Variants in RASSF8 observed in about 807,000 individuals in gnomAD.
The protein encoded by RASSF8 is ras association domain-containing protein 8.
Under a neutral mutation model 48.5 loss-of-function variants are expected in RASSF8, and 22 were observed. The ratio of observed to expected loss-of-function variants is 0.45; its 90% CI spans 0.32 to 0.65. The LOEUF (loss-of-function observed/expected upper bound fraction) is 0.65, where lower values mean the gene tolerates loss of function less well. Ranked by LOEUF, RASSF8 falls within the 30% of genes least tolerant of loss-of-function variation. The pLI is 0.03. For synonymous variants in RASSF8, 127 were observed against 171.5 expected, an observed-to-expected ratio of 0.74 and a Z score of 2.03; for missense variants, 418 against 489.2, an observed-to-expected ratio of 0.85 and a Z score of 1.37.
At chr12:25,970,947 G>A (rs1941471024) in intron 1 of RASSF8, among the ~76,000 whole-genome samples, 1 of 152,158 alleles carries the variant, frequency 6.6e-6, no homozygotes, top group Non-Finnish European at 1.5e-5. Context: ...TCTCTTGAAG[G>A]AGGATCTCAC....
chr12:26,036,205 A>G (rs1288604627), intron 2 of RASSF8, among the ~76,000 whole-genome samples: 1 of 151,928 alleles, frequency 6.6e-6, no homozygotes, highest in Non-Finnish European at 1.5e-5. Flanking sequence ...GGATAAGATC[A>G]GCAATGGCAG....
rs2729650 is a variant in RASSF8, at chr12:26,042,870, T to G, written c.-108-12366T>G. 8.8e-3 allele frequency among the ~76,000 whole-genome samples: 1,339 copies of G among 152,254 alleles called. 17 individuals carry two copies. The highest frequency in any genetic ancestry group is 0.031 in the African/African-American group (1,271 of 41,540). On this transcript the variant is annotated intron_variant, in intron 2 of 5. Transcript: ENST00000689635. ...CAGTAGCATCAATTAGTGGTAAGATTTATTTCAGGAGTTTAAATCAATACT... is the reference window on the plus strand; with the variant it reads ...CAGTAGCATCAATTAGTGGTAAGATGTATTTCAGGAGTTTAAATCAATACT...
chr12:26,014,356 A>G (rs1942597428), intron 2 of RASSF8, among the ~76,000 whole-genome samples: 1 of 152,254 alleles, frequency 6.6e-6, no homozygotes, highest in South Asian at 2.1e-4. Context: ...CTTAGTAGGC[A>G]AGATAAAACG....
chr12:25,968,665 G>A (rs1053964311), intron 1 of RASSF8, among the ~76,000 whole-genome samples: 6 of 152,136 alleles, frequency 3.9e-5, no homozygotes, highest in Non-Finnish European at 8.8e-5. Context: ...CCTTTTAGTT[G>A]TTCATTCAAA....
chr12:26,069,531 A>G lies in RASSF8; in HGVS notation c.*713A>G. The stretch of plus-strand genomic sequence containing the variant: ...TCATAAGCTAAATTGTATGTATAAA[A>G]CATTTGCAGTGTTTCAGACACTGTT... On this transcript the variant is annotated 3_prime_UTR_variant, in exon 6 of 6. Coordinates refer to ENST00000689635, the MANE Select transcript of RASSF8 (RefSeq NM_001394098.1). 2 of 985,466 alleles carry G rather than the reference A, an allele frequency of 2.0e-6. No individual in the cohort carries two copies. The highest frequency in any genetic ancestry group is 2.4e-6 in the Non-Finnish European group (2 of 829,920). 61.0% of individuals were successfully genotyped at this position (985,466 alleles called of 1,614,324 possible).
At chr12:26,028,609 A>G (rs937156224) in intron 2 of RASSF8, among the ~76,000 whole-genome samples, 6 of 152,214 alleles carry the variant, frequency 3.9e-5, no homozygotes, top group Non-Finnish European at 7.3e-5. Context: ...GTAAGTGACA[A>G]TAAATAGAAT....
intron 2 of RASSF8, among the ~76,000 whole-genome samples, chr12:26,015,414 A>G (rs1942624696): frequency 6.6e-6 from 1 of 152,170 alleles, no homozygotes; most frequent in Admixed American, 6.5e-5. Flanking sequence ...GTTTCTAGAA[A>G]ATGCTCTCTT....
At chr12:26,042,673 A>G (rs1943290705) in intron 2 of RASSF8, among the ~76,000 whole-genome samples, 1 of 152,074 alleles carries the variant, frequency 6.6e-6, no homozygotes, top group African/African-American at 2.4e-5. Flanking sequence ...CCTCTTTTAT[A>G]AGTATGATTT....
downstream of RASSF8, among the ~76,000 whole-genome samples, chr12:26,073,182 G>A (rs1944033431): frequency 6.6e-6 from 1 of 152,168 alleles, no homozygotes; most frequent in African/African-American, 2.4e-5. Context: ...CGTGCCAAGT[G>A]CAATATGGGG....
At chr12:25,998,381 C>T (rs77788555) in intron 2 of RASSF8, among the ~76,000 whole-genome samples, 1 of 144,458 alleles carries the variant, frequency 6.9e-6, no homozygotes, top group African/African-American at 2.6e-5. Context: ...TGGAGTTTCA[C>T]TCTTGTTGCC....
chr12:25,998,502 A>C (rs1427403251), intron 2 of RASSF8, among the ~76,000 whole-genome samples: 1 of 152,046 alleles, frequency 6.6e-6, no homozygotes, highest in African/African-American at 2.4e-5. Flanking sequence ...GGCATGCATC[A>C]CCACTCCTGG....
chr12:26,071,075 A>T lies in RASSF8; in HGVS notation c.*2257A>T. The T allele has an allele frequency of 2.0e-6, 2 of 980,362 alleles. No homozygotes were observed. The highest frequency in any genetic ancestry group is 1.2e-6 in the Non-Finnish European group (1 of 825,338). 60.7% of individuals were successfully genotyped at this position (980,362 alleles called of 1,614,324 possible). A position where few individuals can be genotyped will look rare whatever the true frequency, so the allele number is the denominator to read the frequency against. ...CAGATTTAAAAAAATTTCCTAGGCG[A>T]CGAAAGTATAGAAATGTGAATATGT... On this transcript the variant is annotated 3_prime_UTR_variant, in exon 6 of 6. Coordinates refer to ENST00000689635, the MANE Select transcript of RASSF8 (RefSeq NM_001394098.1).
At chr12:26,049,492 C>T (rs1002633551) in intron 2 of RASSF8, among the ~76,000 whole-genome samples, 2 of 152,190 alleles carry the variant, frequency 1.3e-5, no homozygotes, top group Non-Finnish European at 2.9e-5. Flanking sequence ...TAAGTGCCAT[C>T]CTTCAGTTAT....
intron 1 of RASSF8, among the ~76,000 whole-genome samples, chr12:25,986,925 T>TG (rs201708259): frequency 0.44 from 56,591 of 128,672 alleles, 11,496 homozygotes; most frequent in Non-Finnish European, 0.51. Context: ...CCGTTTTTTT[T>TG]TTTTGTTTGT....
intron 2 of RASSF8, among the ~76,000 whole-genome samples, chr12:26,019,950 A>G (rs1003668008): frequency 6.6e-6 from 1 of 152,182 alleles, no homozygotes; most frequent in African/African-American, 2.4e-5. Context: ...TAAAATTTGC[A>G]GCTTTATGGC....
At chr12:26,074,048 T>TA (rs1364398332), downstream of RASSF8, among the ~76,000 whole-genome samples, 1 of 152,054 alleles carries the variant, frequency 6.6e-6, no homozygotes, top group East Asian at 1.9e-4. Context: ...ATGAGAAACT[T>TA]AAAGTCATTC....
chr12:26,024,483 C>G (rs998735446), intron 2 of RASSF8, among the ~76,000 whole-genome samples: 6 of 152,140 alleles, frequency 3.9e-5, no homozygotes, highest in African/African-American at 1.4e-4. Context: ...CCAGAATTAC[C>G]CTGATACCAA....
chr12:25,986,926 T>TTGTTTGTTTG (rs1555160454), intron 1 of RASSF8, among the ~76,000 whole-genome samples: 3 of 146,612 alleles, frequency 2.0e-5, no homozygotes, highest in South Asian at 2.2e-4. Flanking sequence ...CGTTTTTTTT[T>TTGTTTGTTTG]TTTGTTTGTT....
chr12:26,039,141 A>G (rs756546680), intron 2 of RASSF8, among the ~76,000 whole-genome samples: 1 of 152,216 alleles, frequency 6.6e-6, no homozygotes, highest in Non-Finnish European at 1.5e-5. Context: ...GAAATTTGGC[A>G]TACTGCTCAG....
Sources: gnomAD v4.1 joint callset for allele counts (sites outside exome capture counted in the v4.1 genomes callset) on GRCh38, gnomAD v4.1.1 for gene constraint, MANE v1.5 for transcripts, NCBI Gene and HGNC (gene_info 2026-07-23, HGNC 2026-07-21) for gene names.